The following SLC8A1 variants were observed in gnomAD, a reference collection of about 807,000 sequenced individuals.
SLC8A1 encodes sodium/calcium exchanger 1.
In SLC8A1, 18 loss-of-function variants were observed where a neutral mutation model predicts 68.3. That is an observed-to-expected ratio of 0.26 (90% CI 0.18 to 0.39). The LOEUF is 0.39. Among genes scored for constraint, SLC8A1 ranks in the 10% least tolerant of loss-of-function variants. SLC8A1 has a pLI of 1.00. For synonymous variants in SLC8A1, 475 were observed against 415.5 expected, an observed-to-expected ratio of 1.14 and a Z score of -1.74; for missense variants, 985 against 1,156.7, an observed-to-expected ratio of 0.85 and a Z score of 2.15.
chr2:40,163,293 TC>T (rs1255810482), intron 5 of SLC8A1, among the ~76,000 whole-genome samples: 3 of 152,146 alleles, frequency 2.0e-5, no homozygotes, highest in Admixed American at 6.5e-5. Context: ...TGATTGCTCT[TC>T]CTGTCATGGG....
At chr2:40,334,557 T>C (rs976278991) in intron 2 of SLC8A1, among the ~76,000 whole-genome samples, 6 of 152,168 alleles carry the variant, frequency 3.9e-5, no homozygotes, top group East Asian at 1.9e-4. Flanking sequence ...AAAATCATTA[T>C]CTGTGATTCT....
chr2:40,275,936 A>G (rs923219762), intron 2 of SLC8A1, among the ~76,000 whole-genome samples: 1 of 152,110 alleles, frequency 6.6e-6, no homozygotes, highest in Non-Finnish European at 1.5e-5. Flanking sequence ...GACTTCACTT[A>G]GTCTCCTTGA....
intron 7 of SLC8A1, among the ~76,000 whole-genome samples, chr2:40,128,482 C>T (rs1048132050): frequency 1.3e-5 from 2 of 152,248 alleles, no homozygotes; most frequent in African/African-American, 2.4e-5. Flanking sequence ...TACAGTATGA[C>T]GTGCTGGGGC....
intron 2 of SLC8A1, among the ~76,000 whole-genome samples, chr2:40,382,976 A>G (rs998433922): frequency 6.6e-6 from 1 of 152,126 alleles, no homozygotes; most frequent in East Asian, 1.9e-4. Context: ...TATACTATTT[A>G]ATACACAACC....
chr2:40,330,511 C>A (rs2076301369), intron 2 of SLC8A1, among the ~76,000 whole-genome samples: 1 of 152,002 alleles, frequency 6.6e-6, no homozygotes, highest in African/African-American at 2.4e-5. Context: ...GAGTAGTATT[C>A]CTTTATGTTT....
At chr2:40,230,311 G>T (rs1452277278) in intron 2 of SLC8A1, among the ~76,000 whole-genome samples, 1 of 152,098 alleles carries the variant, frequency 6.6e-6, no homozygotes, top group Non-Finnish European at 1.5e-5. Context: ...TAAGCTTCTT[G>T]CTGTTATCAC....
At position 40,355,770 on chromosome 2, in the gene SLC8A1, C is replaced by G. The variant is rs188326090; in HGVS notation, c.1808+72703G>C. Among the ~76,000 whole-genome samples, 14 of 152,244 alleles carry G rather than the reference C, an allele frequency of 9.2e-5. No homozygotes were observed. In the East Asian group the frequency reaches 1.9e-3, roughly 21 times the overall value. On this transcript the variant is annotated intron_variant, in intron 2 of 7. Coordinates refer to ENST00000406785, the Ensembl canonical transcript of SLC8A1. Reference sequence around the variant, plus strand: ...TGTCAGTATAAACTCACCAGTGGTCCCAAGAGTTCTGTTTCTTTGGCATTT... The same window carrying G: ...TGTCAGTATAAACTCACCAGTGGTCGCAAGAGTTCTGTTTCTTTGGCATTT...
chr2:40,208,564 T>C (rs1176757626), intron 2 of SLC8A1: 1 of 152,142 alleles, frequency 6.6e-6, no homozygotes, highest in Non-Finnish European at 1.5e-5. Flanking sequence ...CTAGGCATCG[T>C]CCAGAGATTT....
chr2:40,483,282 T>A lies in SLC8A1; in HGVS notation c.-25+29067A>T, dbSNP rs186750304. Among the ~76,000 whole-genome samples, 79 of 151,008 alleles carry A rather than the reference T, an allele frequency of 5.2e-4. No individual in the cohort carries two copies. In the East Asian group the frequency reaches 0.012, roughly 24 times the overall value. Reference sequence around the variant, plus strand: ...CTGAAAATATATATGTTAAAAAATATATATATATATGATAAATAATTGATG... The same window carrying A: ...CTGAAAATATATATGTTAAAAAATAAATATATATATGATAAATAATTGATG... On this transcript the variant is annotated intron_variant, in intron 1 of 7. Coordinates refer to the SLC8A1 transcript ENST00000402441.
intron 2 of SLC8A1, among the ~76,000 whole-genome samples, chr2:40,374,882 C>A (rs1679299129): frequency 6.6e-6 from 1 of 152,048 alleles, no homozygotes; most frequent in African/African-American, 2.4e-5. Context: ...TACAGACTAG[C>A]CATTTTTAAA....
chr2:40,174,835 G>C (rs781466163), exon 4 of SLC8A1: 7 of 1,609,288 alleles, frequency 4.3e-6, no homozygotes, highest in Non-Finnish European at 6.0e-6. Flanking sequence ...CTGTTATTGT[G>C]AAGCCACCTA....
Position 40,280,044 on chromosome 2 carries a change from A to G in SLC8A1, c.1809-102189T>C, listed in dbSNP as rs868236767. ...TTGTAAATTGCAAGCTATGGAGTAC[A>G]CTGAATACCATATTAAGGAGTTAGT... On this transcript the variant is annotated intron_variant, in intron 2 of 7. Coordinates refer to ENST00000406785, the Ensembl canonical transcript of SLC8A1. Among the ~76,000 whole-genome samples, 2 of 152,166 alleles carry G rather than the reference A, an allele frequency of 1.3e-5. 1 individual carries two copies. The highest frequency in any genetic ancestry group is 4.1e-4 in the South Asian group (2 of 4,832).
intron 2 of SLC8A1, among the ~76,000 whole-genome samples, chr2:40,374,016 C>G (rs974747940): frequency 6.6e-6 from 1 of 152,116 alleles, no homozygotes; most frequent in Non-Finnish European, 1.5e-5. Flanking sequence ...CTTGCCTGAC[C>G]CAGTGTGAAA....
intron 1 of SLC8A1, among the ~76,000 whole-genome samples, chr2:40,432,832 G>A (rs1698628870): frequency 6.6e-6 from 1 of 152,028 alleles, no homozygotes; most frequent in Admixed American, 6.6e-5. Flanking sequence ...GAAGGGGCAA[G>A]GGTGGAAACA....
chr2:40,458,315 C>G (rs1171510306), intron 1 of SLC8A1, among the ~76,000 whole-genome samples: 1 of 152,108 alleles, frequency 6.6e-6, no homozygotes, highest in South Asian at 2.1e-4. Context: ...CTGACATAAG[C>G]AGATTGGAGG....
At chr2:40,425,581 A>T (rs958764660) in intron 2 of SLC8A1, among the ~76,000 whole-genome samples, 2 of 151,794 alleles carry the variant, frequency 1.3e-5, no homozygotes, top group Non-Finnish European at 3.0e-5. Context: ...TTTTCAAAGT[A>T]CTTAATAAAG....
intron 6 of SLC8A1, among the ~76,000 whole-genome samples, chr2:40,142,676 C>T (rs539389042): frequency 6.6e-6 from 1 of 152,200 alleles, no homozygotes; most frequent in Non-Finnish European, 1.5e-5. Flanking sequence ...TATTTGTCTT[C>T]AAGATGGAAA....
At chr2:40,154,619 G>A (rs887156590) in intron 6 of SLC8A1, among the ~76,000 whole-genome samples, 9 of 150,172 alleles carry the variant, frequency 6.0e-5, no homozygotes, top group Admixed American at 2.0e-4. Flanking sequence ...GAGCCACTGC[G>A]CCCAGCCAAA....
intron 7 of SLC8A1, chr2:40,123,365 C>T (rs936722712): frequency 1.3e-5 from 2 of 152,170 alleles, no homozygotes; most frequent in African/African-American, 4.8e-5. Flanking sequence ...GGATAAGAAA[C>T]AGATTAAGAA....
Sources: allele counts gnomAD v4.1 joint callset (sites outside exome capture counted in the v4.1 genomes callset), GRCh38; gene constraint gnomAD v4.1.1; transcripts MANE v1.5; gene names NCBI Gene and HGNC (gene_info 2026-07-23, HGNC 2026-07-21).